Variants in GRIN2A observed in about 807,000 individuals in gnomAD.
GRIN2A encodes glutamate ionotropic receptor NMDA type subunit 2A, also known as glutamate receptor ionotropic, NMDA 2A.
In GRIN2A, 22 loss-of-function variants were observed where a neutral mutation model predicts 113.4. That is an observed-to-expected ratio of 0.19 (90% CI 0.14 to 0.28). The LOEUF (loss-of-function observed/expected upper bound fraction) is 0.28, where lower values mean the gene tolerates loss of function less well. Among genes scored for constraint, GRIN2A ranks in the 10% least tolerant of loss-of-function variants. The pLI, the probability that GRIN2A is intolerant of heterozygous loss-of-function variation, is 1.00. For missense variants in GRIN2A, 1,502 were observed against 1,887.0 expected (o/e 0.80, Z 3.78); for synonymous variants, 827 against 738.4 (o/e 1.12, Z -1.94).
intron 3 of GRIN2A, among the ~76,000 whole-genome samples, chr16:9,915,935 A>T (rs2044240891): frequency 6.6e-6 from 1 of 152,234 alleles, no homozygotes; most frequent in South Asian, 2.1e-4. Context: ...TAATTACTGT[A>T]GATGTGATAA....
intron 11 of GRIN2A, among the ~76,000 whole-genome samples, chr16:9,782,200 T>G (rs1399917062): frequency 6.6e-6 from 1 of 152,132 alleles, no homozygotes; most frequent in East Asian, 1.9e-4. Flanking sequence ...ATATACAGAC[T>G]TTTTTTTCTT....
At chr16:10,145,506 C>A (rs906819716) in intron 2 of GRIN2A, among the ~76,000 whole-genome samples, 3 of 129,426 alleles carry the variant, frequency 2.3e-5, no homozygotes, top group African/African-American at 8.6e-5. Flanking sequence ...GTCAATGCAG[C>A]TGTTTTTAAA....
intron 11 of GRIN2A, among the ~76,000 whole-genome samples, chr16:9,777,579 G>A (rs1328819805): frequency 6.6e-6 from 1 of 152,158 alleles, no homozygotes; most frequent in Admixed American, 6.5e-5. Flanking sequence ...TTAGAGGCAG[G>A]GACAGGCTGT....
At chr16:10,120,818 C>A (rs539833549) in intron 2 of GRIN2A, among the ~76,000 whole-genome samples, 2 of 151,908 alleles carry the variant, frequency 1.3e-5, no homozygotes, top group Non-Finnish European at 2.9e-5. Context: ...CTACCAGAAG[C>A]CTTCATATTC....
chr16:10,009,658 C>T (rs2046467775), intron 2 of GRIN2A, among the ~76,000 whole-genome samples: 1 of 152,078 alleles, frequency 6.6e-6, no homozygotes, highest in Non-Finnish European at 1.5e-5. Context: ...GTCTTGCTTG[C>T]AGGGAGCTCA....
At chr16:9,937,014 G>A (rs2044727564) in intron 3 of GRIN2A, among the ~76,000 whole-genome samples, 1 of 152,136 alleles carries the variant, frequency 6.6e-6, no homozygotes, top group African/African-American at 2.4e-5. Flanking sequence ...AAAAACACTT[G>A]CACATGTGCT....
chr16:9,782,969 G>C (rs541809284), intron 11 of GRIN2A, among the ~76,000 whole-genome samples: 12 of 152,284 alleles, frequency 7.9e-5, no homozygotes, highest in African/African-American at 2.9e-4. Context: ...GCTAATCTAT[G>C]CTTAGAACTG....
At chr16:10,050,834 C>T (rs1385005856) in intron 2 of GRIN2A, among the ~76,000 whole-genome samples, 1 of 152,078 alleles carries the variant, frequency 6.6e-6, no homozygotes, top group East Asian at 1.9e-4. Context: ...TGAGAGTTTA[C>T]AGAGGAGCAC....
intron 2 of GRIN2A, among the ~76,000 whole-genome samples, chr16:10,081,693 G>A (rs2047985276): frequency 6.6e-6 from 1 of 152,160 alleles, no homozygotes; most frequent in South Asian, 2.1e-4. Flanking sequence ...GGAACTGGCT[G>A]TTTTTGCAGG....
At chr16:10,164,339 C>A (rs1238979069) in intron 2 of GRIN2A, among the ~76,000 whole-genome samples, 2 of 152,240 alleles carry the variant, frequency 1.3e-5, no homozygotes, top group African/African-American at 2.4e-5. Context: ...CGTCAGGGAA[C>A]TTTATTCATC....
chr16:10,126,590 T>C (rs1270503513), intron 2 of GRIN2A, among the ~76,000 whole-genome samples: 1 of 152,216 alleles, frequency 6.6e-6, no homozygotes. Context: ...CATTTTTCTT[T>C]TAGGGTGTTT....
chr16:10,003,917 C>T (rs536437791), intron 2 of GRIN2A, among the ~76,000 whole-genome samples: 7 of 152,224 alleles, frequency 4.6e-5, no homozygotes, highest in African/African-American at 1.7e-4. Flanking sequence ...GTCACACGTC[C>T]GCATTGCCTC....
chr16:9,762,192 C>T lies in GRIN2A; in HGVS notation c.*957G>A, dbSNP rs1444484168. 15 of 219,898 alleles carry T rather than the reference C, an allele frequency of 6.8e-5. No homozygotes were observed. The highest frequency in any genetic ancestry group is 4.0e-4 in the East Asian group (6 of 15,066). The allele number at this position is 219,898 out of a possible 1,614,324, so 13.6% of individuals were successfully genotyped here. ...CCACCATGGCTGTTTGGAAACGGAA[C>T]GAGTTATGGTTACTCTGGGAGGGAA... On this transcript the variant is annotated 3_prime_UTR_variant, in exon 13 of 13. Transcript: ENST00000330684.
At chr16:10,046,165 A>C (rs529496504) in intron 2 of GRIN2A, among the ~76,000 whole-genome samples, 4 of 152,138 alleles carry the variant, frequency 2.6e-5, no homozygotes. Flanking sequence ...CCAATGTGGC[A>C]TGAGAGGAAG....
At chr16:10,148,717 C>A (rs931475360) in intron 2 of GRIN2A, among the ~76,000 whole-genome samples, 9 of 152,212 alleles carry the variant, frequency 5.9e-5, no homozygotes, top group African/African-American at 2.2e-4. Context: ...AATCCTACTG[C>A]TAGGCACATA....
At chr16:10,141,854 C>T (rs1295883955) in intron 2 of GRIN2A, among the ~76,000 whole-genome samples, 1 of 152,242 alleles carries the variant, frequency 6.6e-6, no homozygotes, top group African/African-American at 2.4e-5. Flanking sequence ...AAAGGTCACA[C>T]TGCTCACCAA....
chr16:10,113,764 G>C (rs1315583623), intron 2 of GRIN2A, among the ~76,000 whole-genome samples: 1 of 152,110 alleles, frequency 6.6e-6, no homozygotes. Flanking sequence ...ATATGCAGAA[G>C]GAAATAAATG....
chr16:10,098,560 C>A (rs2048337402), intron 2 of GRIN2A, among the ~76,000 whole-genome samples: 1 of 152,126 alleles, frequency 6.6e-6, no homozygotes, highest in African/African-American at 2.4e-5. Flanking sequence ...GCCCAAATGC[C>A]CATTAATCGA....
intron 10 of GRIN2A, among the ~76,000 whole-genome samples, chr16:9,814,996 G>A (rs981491477): frequency 1.3e-5 from 2 of 149,982 alleles, no homozygotes; most frequent in Admixed American, 6.6e-5. Flanking sequence ...ACTCCAGCCC[G>A]GGCAACAAGA....
Sources: gnomAD v4.1 joint callset for allele counts (sites outside exome capture counted in the v4.1 genomes callset) on GRCh38, gnomAD v4.1.1 for gene constraint, MANE v1.5 for transcripts, NCBI Gene and HGNC (gene_info 2026-07-23, HGNC 2026-07-21) for gene names.